The following ZNF442 variants were observed in gnomAD, a reference collection of about 807,000 sequenced individuals.
ZNF442 encodes zinc finger protein 442.
Under a neutral mutation model 57.0 loss-of-function variants are expected in ZNF442, and 45 were observed. The observed-to-expected ratio is 0.79, with a 90% CI of 0.62 to 1.01. The LOEUF (loss-of-function observed/expected upper bound fraction) is 1.01, where lower values mean the gene tolerates loss of function less well. Ranked by LOEUF, ZNF442 falls within the 50% of genes least tolerant of loss-of-function variation. The pLI, the probability that ZNF442 is intolerant of heterozygous loss-of-function variation, is 0.00. For synonymous variants in ZNF442, 213 were observed against 241.8 expected, an observed-to-expected ratio of 0.88 and a Z score of 1.10; for missense variants, 690 against 756.5, an observed-to-expected ratio of 0.91 and a Z score of 1.03.
chr19:12,357,961 AC>A (rs869303903), intron 3 of ZNF442, among the ~76,000 whole-genome samples: 145 of 128,448 alleles, frequency 1.1e-3, no homozygotes, highest in African/African-American at 4.2e-3. Context: ...ATATTTGCCC[AC>A]CTTTTTTTTT....
At chr19:12,352,096 C>G in intron 4 of ZNF442, 26 bp from the exon 5 acceptor site, 2 of 1,600,620 alleles carry the variant, frequency 1.2e-6, no homozygotes, top group Non-Finnish European at 1.7e-6. Context: ...AGAAAAAACA[C>G]TGTAGATTAT....
chr19:12,357,994 G>A lies in ZNF442; in HGVS notation c.79-4880C>T, dbSNP rs528401486. Among the ~76,000 whole-genome samples the A allele has an allele frequency of 8.5e-5, 12 of 141,840 alleles. No homozygotes were observed. The East Asian group carries it at 2.3e-3, about 27-fold the overall frequency. 93.1% of individuals were successfully genotyped at this position (141,840 alleles called of 152,430 possible). ...TTTTTTTTTTTTGAGATGGAGTTTC[G>A]CTCTGTCGCCCAGGCTGGAGTGCAA... On this transcript the variant is annotated intron_variant, in intron 3 of 5. Transcript: ENST00000242804.
chr19:12,373,051 T>C, the ZNF442 span, among the ~76,000 whole-genome samples: 70 of 152,220 alleles, frequency 4.6e-4, no homozygotes, highest in Admixed American at 1.5e-3. Flanking sequence ...GGATTACAGG[T>C]GTCAGCCACC....
chr19:12,373,181 CACTT>C, the ZNF442 span, among the ~76,000 whole-genome samples: 3 of 152,280 alleles, frequency 2.0e-5, no homozygotes, highest in East Asian at 1.9e-4. Context: ...ATGGAGGTGA[CACTT>C]ACGTCAATTG....
intron 3 of ZNF442, among the ~76,000 whole-genome samples, chr19:12,353,867 C>T (rs1234785699): frequency 6.6e-6 from 1 of 152,036 alleles, no homozygotes; most frequent in East Asian, 1.9e-4. Context: ...CAGAGTTGGA[C>T]TTATGTCCCT....
Position 12,349,382 on chromosome 19 carries a change from G to C in ZNF442, c.*319C>G, listed in dbSNP as rs950226203. 4.8e-6 allele frequency: 1 copy of C among 208,218 alleles called. No homozygotes were observed. Among genetic ancestry groups the C allele is most frequent in the South Asian group, 1.1e-4 (1 of 8,746 alleles). 12.9% of individuals were successfully genotyped at this position (208,218 alleles called of 1,614,324 possible). Reference sequence around the variant, plus strand: ...CTTTTACAACACATGAGGTATTTTAGTAACCTACTTTTTATTTTTACTTTT... The same window carrying C: ...CTTTTACAACACATGAGGTATTTTACTAACCTACTTTTTATTTTTACTTTT... On this transcript the variant is annotated 3_prime_UTR_variant, in exon 6 of 6. Transcript: ENST00000242804.
chr19:12,352,721 T>G (rs1481949645), intron 4 of ZNF442, among the ~76,000 whole-genome samples: 1 of 152,232 alleles, frequency 6.6e-6, no homozygotes, highest in African/African-American at 2.4e-5. Context: ...TATGAGAATA[T>G]AGTATGCAAT....
At position 12,347,666 on chromosome 19, in the gene ZNF442, C is replaced by T. The variant is rs1969149411; in HGVS notation, c.*2035G>A. 6.6e-6 allele frequency: 1 copy of T among 152,248 alleles called. No individual in the cohort carries two copies. The highest frequency in any genetic ancestry group is 2.1e-4 in the South Asian group (1 of 4,828). 9.4% of individuals were successfully genotyped at this position (152,248 alleles called of 1,614,324 possible). A position where few individuals can be genotyped will look rare whatever the true frequency, so the allele number is the denominator to read the frequency against. On this transcript the variant is annotated 3_prime_UTR_variant, in exon 6 of 6. Coordinates refer to ENST00000242804, the MANE Select transcript of ZNF442 (RefSeq NM_030824.3). ...AACGGCCCTAACTGTAACAGAACAG[C>T]CAGGACTTCCCCAACCCCTCCCTAA...
intron 4 of ZNF442, among the ~76,000 whole-genome samples, chr19:12,352,488 G>A (rs554409933): frequency 6.6e-6 from 1 of 152,064 alleles, no homozygotes; most frequent in Non-Finnish European, 1.5e-5. Context: ...TTACAGGCGT[G>A]AGCCACCACA....
intron 3 of ZNF442, among the ~76,000 whole-genome samples, chr19:12,359,941 G>A (rs1240889569): frequency 1.3e-5 from 2 of 151,686 alleles, no homozygotes; most frequent in Non-Finnish European, 2.9e-5. Flanking sequence ...TCACGCCACT[G>A]CATTCCAACA....
At chr19:12,366,602 C>A (rs1969534023), upstream of ZNF442, among the ~76,000 whole-genome samples, 1 of 152,114 alleles carries the variant, frequency 6.6e-6, no homozygotes, top group Admixed American at 6.6e-5. Flanking sequence ...CTTTCCCATA[C>A]TACACTGCCA....
At chr19:12,371,203 T>C in the ZNF442 span, among the ~76,000 whole-genome samples, 1 of 152,138 alleles carries the variant, frequency 6.6e-6, no homozygotes, top group South Asian at 2.1e-4. Flanking sequence ...ATTGTAGTGT[T>C]TCCTGACAAG....
chr19:12,350,910 A>G lies in ZNF442; in HGVS notation c.675T>C (p.Arg225=), dbSNP rs2144809305. The change falls in exon 6 of 6, where the codon CGT becomes CGC. Residue 225 remains arginine, a synonymous_variant. Coordinates refer to ENST00000242804, the MANE Select transcript of ZNF442 (RefSeq NM_030824.3). ...GKAFFWPSLF[R]MHERTHTGEK... ...CTCCAGTGTGAGTTCTTTCATGCAT[A>G]CGAAATAAACTAGGCCAAAAAAAGG... 1.2e-6 allele frequency: 2 copies of G among 1,614,146 alleles called. No homozygotes were observed. The highest frequency in any genetic ancestry group is 2.2e-5 in the South Asian group (2 of 91,086).
rs775251243 is a variant in ZNF442 at position 12,351,094 on chromosome 19, T to C, written c.491A>G (p.Tyr164Cys). Residue 164 changes from tyrosine (Y) to cysteine (C), a missense_variant, in exon 6 of 6, where the codon TAT (tyrosine) becomes TGT (cysteine). Coordinates refer to ENST00000242804, the MANE Select transcript of ZNF442 (RefSeq NM_030824.3). ...TTCCTGTGTTTGAAAGGAGTGGTGA[T>C]AATTGAAGGCTGTCCCACATTGTTT... Reference protein sequence around the residue: ...THKQCGTAFNYHHSFQTQERP... With the variant: ...THKQCGTAFNCHHSFQTQERP... 13 of 1,614,212 alleles carry C rather than the reference T, an allele frequency of 8.1e-6. No homozygotes were observed. Among genetic ancestry groups the C allele is most frequent in the South Asian group, 1.1e-5 (1 of 91,086 alleles).
At chr19:12,362,677 C>T (rs1599594281) in intron 3 of ZNF442, among the ~76,000 whole-genome samples, 1 of 138,056 alleles carries the variant, frequency 7.2e-6, no homozygotes, top group East Asian at 2.0e-4. Flanking sequence ...GTGGGGGGCC[C>T]CTCTGCCCGG....
chr19:12,351,236 T>A lies in ZNF442; in HGVS notation c.349A>T (p.Lys117Ter). 1 of 1,614,196 alleles carries A rather than the reference T, an allele frequency of 6.2e-7. No homozygotes were observed. ...ATGATTTCTCCACACACACTGCTTT[T>A]ACATGGATCTACTCCAGGAGGTTTT... ...NEKPPGVDPC[K>*]SSVCGEIMGC... is the part of the protein sequence containing the mutation. The change falls in exon 6 of 6, where the codon AAA becomes TAA. Residue 117 changes from lysine (K) to a stop codon, truncating the protein, a stop_gained. Coordinates refer to ENST00000242804, the MANE Select transcript of ZNF442 (RefSeq NM_030824.3). LOFTEE classifies it high-confidence loss of function.
At chr19:12,366,779 G>A (rs1253913297), upstream of ZNF442, among the ~76,000 whole-genome samples, 3 of 152,096 alleles carry the variant, frequency 2.0e-5, no homozygotes, top group Non-Finnish European at 4.4e-5. Context: ...GACTACAGGT[G>A]CACGCTGCCA....
At chr19:12,370,888 G>A (rs575706764), upstream of ZNF442, among the ~76,000 whole-genome samples, 3 of 150,758 alleles carry the variant, frequency 2.0e-5, no homozygotes, top group East Asian at 2.0e-4. Flanking sequence ...CAGGAGAGTC[G>A]CTTCAACCCG....
chr19:12,368,377 G>C (rs531836935), upstream of ZNF442, among the ~76,000 whole-genome samples: 1 of 152,302 alleles, frequency 6.6e-6, no homozygotes, highest in African/African-American at 2.4e-5. Context: ...AGAGACTGCA[G>C]TAAAGACAGG....
Sources: allele counts gnomAD v4.1 joint callset (sites outside exome capture counted in the v4.1 genomes callset), GRCh38; gene constraint gnomAD v4.1.1; transcripts MANE v1.5; gene names NCBI Gene and HGNC (gene_info 2026-07-23, HGNC 2026-07-21).